Variants in CDH18 observed in about 807,000 individuals in gnomAD.
The protein encoded by CDH18 is cadherin-18.
CDH18 carries 31 observed loss-of-function variants against 67.9 expected under a neutral mutation model. The observed-to-expected ratio is 0.46, with a 90% CI of 0.34 to 0.62. The LOEUF (loss-of-function observed/expected upper bound fraction) is 0.62, where lower values mean the gene tolerates loss of function less well. CDH18 is among the 20% of genes least tolerant of loss of function. CDH18 has a pLI of 0.01. For synonymous variants in CDH18, 362 were observed against 347.2 expected (o/e 1.04, Z -0.48); for missense variants, 890 against 975.5 (o/e 0.91, Z 1.17).
intron 2 of CDH18, among the ~76,000 whole-genome samples, chr5:20,198,293 G>A (rs1739152429): frequency 6.6e-6 from 1 of 152,108 alleles, no homozygotes. Flanking sequence ...ACTTCTTAGA[G>A]ACTTGTTGAA....
intron 1 of CDH18, among the ~76,000 whole-genome samples, chr5:20,519,942 CTTTTTTTTTTTTTTTTTTTTTTTTTT>C (rs777265512): frequency 1.1e-3 from 46 of 41,690 alleles, no homozygotes; most frequent in African/African-American, 3.8e-3. Flanking sequence ...ACAGTCTTGG[CTTTTTTTTTTTTTTTTTTTTTTTTTT>C]TTTTTTTTTT....
chr5:19,781,880 G>C (rs956284723), intron 3 of CDH18, among the ~76,000 whole-genome samples: 1 of 151,994 alleles, frequency 6.6e-6, no homozygotes, highest in East Asian at 1.9e-4. Context: ...TGTGTCAAAG[G>C]CATCCTTAAT....
intron 1 of CDH18, among the ~76,000 whole-genome samples, chr5:20,438,525 G>A (rs1749353494): frequency 6.6e-6 from 1 of 151,256 alleles, no homozygotes; most frequent in African/African-American, 2.4e-5. Context: ...TGGGAGATGA[G>A]AATGAATAAA....
intron 1 of CDH18, among the ~76,000 whole-genome samples, chr5:20,258,211 T>C (rs538691505): frequency 6.6e-6 from 1 of 151,254 alleles, no homozygotes; most frequent in African/African-American, 2.5e-5. Context: ...CAAATAAAAA[T>C]AAGAATTCAA....
At chr5:20,572,865 C>G (rs1758889473) in intron 1 of CDH18, among the ~76,000 whole-genome samples, 1 of 152,080 alleles carries the variant, frequency 6.6e-6, no homozygotes, top group Non-Finnish European at 1.5e-5. Context: ...CTCAACAATG[C>G]AAACAATAGT....
In CDH18 at chr5:20,271,341, A is replaced by C. The variant is rs143784988; in HGVS notation, c.-579-15836T>G. On this transcript the variant is annotated intron_variant, in intron 1 of 14. Transcript: ENST00000507958. Reference sequence around the variant, plus strand: ...GAAGTAGAGCTCAATGAGAGGAATAAGTTTTTGTGTTCTATTGCTCTACAG... The same window carrying C: ...GAAGTAGAGCTCAATGAGAGGAATACGTTTTTGTGTTCTATTGCTCTACAG... Among the ~76,000 whole-genome samples the C allele has an allele frequency of 2.0e-3, 306 of 152,138 alleles. 2 individuals are homozygous for C. The highest frequency in any genetic ancestry group is 7.2e-3 in the African/African-American group (297 of 41,534).
chr5:19,657,741 A>G (rs1191653324), intron 5 of CDH18, among the ~76,000 whole-genome samples: 1 of 152,190 alleles, frequency 6.6e-6, no homozygotes, highest in Non-Finnish European at 1.5e-5. Context: ...TACAAGAACT[A>G]GGCTCTAAAA....
chr5:20,480,111 G>A lies in CDH18; in HGVS notation c.-580+95351C>T, dbSNP rs551721300. 2.4e-4 allele frequency among the ~76,000 whole-genome samples: 37 copies of A among 152,252 alleles called. 1 individual carries two copies. The highest frequency in any genetic ancestry group is 2.3e-3 in the Admixed American group (35 of 15,290). Reference sequence around the variant, plus strand: ...AAGCTAATGGATGTCATCAACACGAGATCTGTGCTATAAGAAATGCCAAAG... The same window carrying A: ...AAGCTAATGGATGTCATCAACACGAAATCTGTGCTATAAGAAATGCCAAAG... On this transcript the variant is annotated intron_variant, in intron 1 of 14. Transcript: ENST00000507958.
intron 3 of CDH18, among the ~76,000 whole-genome samples, chr5:19,784,086 T>C (rs1775434631): frequency 6.6e-6 from 1 of 152,202 alleles, no homozygotes; most frequent in African/African-American, 2.4e-5. Context: ...TAATACATTT[T>C]AGTTATATGC....
At chr5:20,361,465 C>T (rs1742081211) in intron 1 of CDH18, among the ~76,000 whole-genome samples, 1 of 151,948 alleles carries the variant, frequency 6.6e-6, no homozygotes, top group Non-Finnish European at 1.5e-5. Context: ...AAATATTAAG[C>T]TAATTATTCA....
At chr5:19,638,990 T>G (rs1580643409) in intron 5 of CDH18, among the ~76,000 whole-genome samples, 30 of 96,418 alleles carry the variant, frequency 3.1e-4, no homozygotes, top group African/African-American at 1.1e-3. Flanking sequence ...TTTTTTTTTT[T>G]TTTTTTTTTT....
At chr5:19,972,493 A>T (rs1439658832) in intron 2 of CDH18, among the ~76,000 whole-genome samples, 4 of 152,034 alleles carry the variant, frequency 2.6e-5, no homozygotes, top group Non-Finnish European at 5.9e-5. Context: ...AAATTAAAAC[A>T]ATTGATGACT....
intron 1 of CDH18, among the ~76,000 whole-genome samples, chr5:20,339,363 T>C (rs911486734): frequency 1.3e-5 from 2 of 152,150 alleles, no homozygotes; most frequent in African/African-American, 4.8e-5. Flanking sequence ...AACATGAGCG[T>C]AAATGGTCTG....
At chr5:20,479,512 T>C (rs753806894) in intron 1 of CDH18, among the ~76,000 whole-genome samples, 2 of 152,022 alleles carry the variant, frequency 1.3e-5, no homozygotes, top group Non-Finnish European at 2.9e-5. Context: ...ACTGGCAGAA[T>C]TGATCAAGCA....
intron 1 of CDH18, among the ~76,000 whole-genome samples, chr5:20,543,844 G>A (rs922677337): frequency 2.6e-5 from 4 of 152,000 alleles, no homozygotes; most frequent in African/African-American, 9.7e-5. Flanking sequence ...TGTATATTCT[G>A]GCTAAACAAA....
At chr5:19,483,788 C>G (rs568889688) in intron 11 of CDH18, among the ~76,000 whole-genome samples, 1 of 152,164 alleles carries the variant, frequency 6.6e-6, no homozygotes, top group South Asian at 2.1e-4. Flanking sequence ...AGTGGGAAGA[C>G]AAAGCAGGAG....
chr5:19,646,010 G>C (rs543317186), intron 5 of CDH18, among the ~76,000 whole-genome samples: 129 of 152,154 alleles, frequency 8.5e-4, no homozygotes, highest in Non-Finnish European at 1.6e-3. Context: ...AGAAGAAAAC[G>C]ACAAATGATG....
intron 1 of CDH18, among the ~76,000 whole-genome samples, chr5:20,538,972 TC>T (rs1756898089): frequency 7.6e-6 from 1 of 132,250 alleles, no homozygotes; most frequent in African/African-American, 2.7e-5. Flanking sequence ...CACTGCAACA[TC>T]TGCCTCCTGG....
At chr5:20,302,687 C>G (rs1736056583) in intron 1 of CDH18, among the ~76,000 whole-genome samples, 1 of 152,304 alleles carries the variant, frequency 6.6e-6, no homozygotes. Flanking sequence ...AGCCACTGTA[C>G]CGTCCGCAAT....
Sources: gnomAD v4.1 joint callset for allele counts (sites outside exome capture counted in the v4.1 genomes callset) on GRCh38, gnomAD v4.1.1 for gene constraint, MANE v1.5 for transcripts, NCBI Gene and HGNC (gene_info 2026-07-23, HGNC 2026-07-21) for gene names.